The following ADGRB3 variants were observed in gnomAD, a reference collection of about 807,000 sequenced individuals.
ADGRB3 encodes the protein adhesion G protein-coupled receptor B3.
ADGRB3 carries 37 observed loss-of-function variants against 193.4 expected under a neutral mutation model. The ratio of observed to expected loss-of-function variants is 0.19; its 90% CI spans 0.15 to 0.25. ADGRB3 has a LOEUF of 0.25. Among genes scored for constraint, ADGRB3 ranks in the 10% least tolerant of loss-of-function variants. The pLI is 1.00. For missense variants in ADGRB3, 1,637 were observed against 1,852.9 expected (o/e 0.88, Z 2.14); for synonymous variants, 690 against 644.2 (o/e 1.07, Z -1.08).
chr6:69,335,925 T>C (rs1032100841), intron 24 of ADGRB3, among the ~76,000 whole-genome samples: 1 of 152,110 alleles, frequency 6.6e-6, no homozygotes, highest in African/African-American at 2.4e-5. Flanking sequence ...GCCAACCATA[T>C]AGTTTGTGCT....
At chr6:68,657,787 A>G (rs1369823420) in intron 3 of ADGRB3, among the ~76,000 whole-genome samples, 1 of 151,434 alleles carries the variant, frequency 6.6e-6, no homozygotes, top group Non-Finnish European at 1.5e-5. Context: ...ATTTGTATAG[A>G]TCTTTGCTTA....
chr6:68,922,868 A>G (rs1021642323), intron 3 of ADGRB3, among the ~76,000 whole-genome samples: 2 of 150,792 alleles, frequency 1.3e-5, no homozygotes, highest in Non-Finnish European at 3.0e-5. Context: ...AGATCTCTCT[A>G]TAGAATACCA....
chr6:69,122,943 T>C (rs1773754385), intron 17 of ADGRB3, among the ~76,000 whole-genome samples: 1 of 151,860 alleles, frequency 6.6e-6, no homozygotes, highest in South Asian at 2.1e-4. Flanking sequence ...CTTATCTATC[T>C]ATATAGATAT....
At chr6:68,864,343 G>C (rs536116171) in intron 3 of ADGRB3, among the ~76,000 whole-genome samples, 1 of 152,240 alleles carries the variant, frequency 6.6e-6, no homozygotes, top group South Asian at 2.1e-4. Flanking sequence ...TGTAATAAAG[G>C]AACTTTCATT....
At chr6:68,646,850 A>G (rs1768228094) in intron 3 of ADGRB3, among the ~76,000 whole-genome samples, 2 of 152,184 alleles carry the variant, frequency 1.3e-5, no homozygotes, top group Non-Finnish European at 2.9e-5. Flanking sequence ...TGGTTTAAAA[A>G]CATATCTTCT....
chr6:68,896,268 T>A (rs950893238), intron 3 of ADGRB3, among the ~76,000 whole-genome samples: 19 of 152,218 alleles, frequency 1.2e-4, no homozygotes, highest in African/African-American at 4.6e-4. Flanking sequence ...GTCTGTCCTC[T>A]ATGCCCTGAT....
At chr6:69,075,957 C>T (rs1371303749) in intron 16 of ADGRB3, 38 bp from the exon 17 acceptor site, 20 of 1,509,298 alleles carry the variant, frequency 1.3e-5, no homozygotes, top group Admixed American at 1.7e-5. Flanking sequence ...TATATATGTA[C>T]TCAAGATATA....
At chr6:69,086,159 A>T (rs1772544811) in intron 17 of ADGRB3, among the ~76,000 whole-genome samples, 1 of 152,154 alleles carries the variant, frequency 6.6e-6, no homozygotes, top group South Asian at 2.1e-4. Context: ...TAAAGATGGC[A>T]TTTAAAAATA....
chr6:69,217,706 T>C (rs1054019035), intron 17 of ADGRB3, among the ~76,000 whole-genome samples: 6 of 152,142 alleles, frequency 3.9e-5, no homozygotes, highest in Non-Finnish European at 4.4e-5. Flanking sequence ...TGTAAGCATG[T>C]TCTCTCCTTT....
At chr6:69,130,726 G>A (rs1363048109) in intron 17 of ADGRB3, among the ~76,000 whole-genome samples, 1 of 151,628 alleles carries the variant, frequency 6.6e-6, no homozygotes. Flanking sequence ...TTATTAAGTT[G>A]TAAACTTGAT....
At position 68,638,808 on chromosome 6, in the gene ADGRB3, A is replaced by G. The variant is rs138295002; in HGVS notation, c.133A>G (p.Ser45Gly). Residue 45 changes from serine to glycine, a missense_variant, in exon 3 of 32, where the codon AGT becomes GGT. Coordinates refer to ENST00000370598, the MANE Select transcript of ADGRB3 (RefSeq NM_001704.3). ...KGVIYGSYSV[S>G]EMFPKNFTNC... ...AGTCATTTATGGATCGTATTCTGTA[A>G]GTGAAATGTTTCCTAAAAACTTTAC... 7.1e-4 allele frequency: 1,149 copies of G among 1,614,120 alleles called. 1 individual carries two copies. The highest frequency in any genetic ancestry group is 1.3e-3 in the Admixed American group (78 of 60,022).
intron 24 of ADGRB3, among the ~76,000 whole-genome samples, chr6:69,333,538 T>C (rs1278466853): frequency 6.6e-6 from 1 of 152,120 alleles, no homozygotes. Flanking sequence ...TTAATCTAAC[T>C]GGCTAAAAAG....
At chr6:69,327,691 C>G (rs1768609485) in intron 21 of ADGRB3, 129 bp from the exon 22 acceptor site, 1 of 594,988 alleles carries the variant, frequency 1.7e-6, no homozygotes, top group Non-Finnish European at 2.7e-6. Context: ...AGAAACATAC[C>G]TTGTGAAGTG....
At chr6:68,670,621 CT>C (rs1768928325) in intron 3 of ADGRB3, among the ~76,000 whole-genome samples, 1 of 151,866 alleles carries the variant, frequency 6.6e-6, no homozygotes, top group Non-Finnish European at 1.5e-5. Context: ...GTCTATGTTT[CT>C]GTTTTTTATG....
chr6:69,023,501 A>T (rs2150289548), intron 13 of ADGRB3, among the ~76,000 whole-genome samples: 1 of 152,210 alleles, frequency 6.6e-6, no homozygotes, highest in South Asian at 2.1e-4. Flanking sequence ...TGATATAGAG[A>T]TGTCAAAGTT....
intron 17 of ADGRB3, among the ~76,000 whole-genome samples, chr6:69,216,232 C>T (rs1765769662): frequency 6.6e-6 from 1 of 151,888 alleles, no homozygotes. Context: ...ATTGAAAGAC[C>T]CTAATAGGTC....
At chr6:68,768,019 A>G (rs964243580) in intron 3 of ADGRB3, among the ~76,000 whole-genome samples, 1 of 152,184 alleles carries the variant, frequency 6.6e-6, no homozygotes, top group African/African-American at 2.4e-5. Flanking sequence ...ACTACAAACC[A>G]CTGCTCAAGG....
At chr6:69,067,932 G>A (rs1014068319) in intron 16 of ADGRB3, among the ~76,000 whole-genome samples, 4 of 151,984 alleles carry the variant, frequency 2.6e-5, no homozygotes, top group African/African-American at 9.7e-5. Context: ...TTGGAGCAGG[G>A]GGTCAGCAAA....
intron 3 of ADGRB3, among the ~76,000 whole-genome samples, chr6:68,658,439 TTCCACCTAGTGTTTTCCAAGCTATAGCC>T (rs1332287054): frequency 6.6e-6 from 1 of 151,238 alleles, no homozygotes; most frequent in Non-Finnish European, 1.5e-5. Flanking sequence ...GTAATGTTTC[TTCCACCTAGTGTTTTCCAAGCTATAGCC>T]TGCATGTATC....
Sources: gnomAD v4.1 joint callset for allele counts (sites outside exome capture counted in the v4.1 genomes callset) on GRCh38, gnomAD v4.1.1 for gene constraint, MANE v1.5 for transcripts, NCBI Gene and HGNC (gene_info 2026-07-23, HGNC 2026-07-21) for gene names.